Variants in TANC2 observed in about 807,000 individuals in gnomAD.
TANC2 encodes tetratricopeptide repeat, ankyrin repeat and coiled-coil containing 2.
Under a neutral mutation model 210.5 loss-of-function variants are expected in TANC2, and 26 were observed. The observed-to-expected ratio is 0.12, with a 90% CI of 0.09 to 0.17. TANC2 has a LOEUF of 0.17. Ranked by LOEUF, TANC2 falls within the 10% of genes least tolerant of loss-of-function variation. TANC2 has a pLI of 1.00. For missense variants in TANC2, 2,129 were observed against 2,608.9 expected (o/e 0.82, Z 4.01); for synonymous variants, 931 against 967.1 (o/e 0.96, Z 0.69).
intron 3 of TANC2, among the ~76,000 whole-genome samples, chr17:63,079,198 A>C (rs1398675906): frequency 2.0e-5 from 3 of 152,210 alleles, no homozygotes; most frequent in Admixed American, 6.5e-5. Flanking sequence ...CCATTCACGC[A>C]GTCCCATATA....
chr17:63,004,628 A>G (rs1044573671), intron 1 of TANC2: 6 of 210,798 alleles, frequency 2.8e-5, no homozygotes, highest in Non-Finnish European at 5.9e-5. Flanking sequence ...AAAATTCTGC[A>G]TTTATATAAA....
At chr17:63,393,987 G>A (rs2048073307) in intron 17 of TANC2, among the ~76,000 whole-genome samples, 1 of 152,014 alleles carries the variant, frequency 6.6e-6, no homozygotes, top group South Asian at 2.1e-4. Context: ...GGCCAGGCTG[G>A]TCTCGAACTC....
chr17:63,354,677 T>G, intron 13 of TANC2, 106 bp from the exon 14 acceptor site: 6 of 1,418,366 alleles, frequency 4.2e-6, no homozygotes, highest in Non-Finnish European at 5.7e-6. Flanking sequence ...TTTCCCTGTT[T>G]GGCCACTTCG....
chr17:63,290,800 A>T (rs1405124594), intron 9 of TANC2, among the ~76,000 whole-genome samples: 3 of 152,162 alleles, frequency 2.0e-5, no homozygotes, highest in Non-Finnish European at 2.9e-5. Context: ...CCAGAACATA[A>T]ACCAGTGTCT....
At chr17:63,345,598 AAC>A in intron 12 of TANC2, among the ~76,000 whole-genome samples, 1 of 149,038 alleles carries the variant, frequency 6.7e-6, no homozygotes. Flanking sequence ...CAGCCTGGGC[AAC>A]AAGAGCAAAA....
chr17:63,197,033 T>G (rs2145771564), intron 6 of TANC2, among the ~76,000 whole-genome samples: 2 of 152,298 alleles, frequency 1.3e-5, no homozygotes, highest in South Asian at 4.1e-4. Context: ...AAGGATCAAG[T>G]TAAATCATGA....
chr17:63,035,351 C>T (rs1402105944), intron 2 of TANC2, among the ~76,000 whole-genome samples: 1 of 152,184 alleles, frequency 6.6e-6, no homozygotes, highest in Admixed American at 6.5e-5. Context: ...TAACTTTTGT[C>T]TGCACTGGGC....
At chr17:63,352,196 A>T (rs2046632072) in intron 13 of TANC2, among the ~76,000 whole-genome samples, 1 of 152,104 alleles carries the variant, frequency 6.6e-6, no homozygotes, top group African/African-American at 2.4e-5. Context: ...TGAATATTAA[A>T]ATCTCAAACA....
chr17:63,348,581 G>C (rs1474227443), intron 12 of TANC2, among the ~76,000 whole-genome samples: 1 of 152,162 alleles, frequency 6.6e-6, no homozygotes, highest in Non-Finnish European at 1.5e-5. Context: ...ATATATGTAT[G>C]TAAAGATTAG....
exon 22 of TANC2, chr17:63,411,624 C>G (rs895904203): frequency 1.2e-6 from 2 of 1,613,878 alleles, no homozygotes; most frequent in Non-Finnish European, 1.7e-6. Flanking sequence ...TGCCACAGAC[C>G]ATGCTGACAA....
chr17:62,983,963 A>C (rs1163762101), intron 1 of TANC2, among the ~76,000 whole-genome samples: 1 of 151,960 alleles, frequency 6.6e-6, no homozygotes, highest in Admixed American at 6.5e-5. Flanking sequence ...TTTTGGTATT[A>C]GGGTTATGTT....
chr17:63,353,741 G>T (rs972697115), intron 13 of TANC2, among the ~76,000 whole-genome samples: 2 of 152,052 alleles, frequency 1.3e-5, no homozygotes, highest in Non-Finnish European at 2.9e-5. Flanking sequence ...GAAAAGAGGG[G>T]AACGTTCTCT....
intron 21 of TANC2, among the ~76,000 whole-genome samples, chr17:63,407,403 C>T (rs978103859): frequency 2.2e-4 from 33 of 152,174 alleles, no homozygotes; most frequent in African/African-American, 7.2e-4. Context: ...TATTCCAGAA[C>T]AAACCAAGTC....
rs1334183665 is a variant in TANC2 at position 63,098,453 on chromosome 17, CACACACACACACACACACACACACACAT to C, written c.140-717_140-690del. ...GACTACACACACACACACACACACACACACACACACACACACACACACACACATACACTCTCTCTCTCTCTCTCTCTCT... is the reference window on the plus strand; with the variant it reads ...GACTACACACACACACACACACACACACACTCTCTCTCTCTCTCTCTCTCT... On this transcript the variant is annotated intron_variant, in intron 3 of 27. Coordinates refer to ENST00000689528, the Ensembl canonical transcript of TANC2. Among the ~76,000 whole-genome samples the C allele has an allele frequency of 1.6e-4, 11 of 70,730 alleles. 1 individual carries two copies. The highest frequency in any genetic ancestry group is 9.7e-4 in the African/African-American group (7 of 7,222). The allele number at this position is 70,730 out of a possible 152,430, so 46.4% of individuals were successfully genotyped here.
chr17:63,030,918 G>C (rs1465092720), intron 2 of TANC2, among the ~76,000 whole-genome samples: 1 of 152,012 alleles, frequency 6.6e-6, no homozygotes, highest in African/African-American at 2.4e-5. Flanking sequence ...GGAAAGACAA[G>C]ACCACCTTAA....
chr17:63,027,931 A>T (rs1489804577), intron 2 of TANC2, among the ~76,000 whole-genome samples: 1 of 152,100 alleles, frequency 6.6e-6, no homozygotes, highest in African/African-American at 2.4e-5. Flanking sequence ...CCATTTTCAT[A>T]GAATTTTTTT....
intron 1 of TANC2, among the ~76,000 whole-genome samples, chr17:63,007,740 A>C (rs2033684735): frequency 6.6e-6 from 1 of 152,024 alleles, no homozygotes; most frequent in Non-Finnish European, 1.5e-5. Flanking sequence ...TATTGTTGTC[A>C]TGCATTTTAA....
At chr17:63,088,204 T>G (rs577830015) in intron 3 of TANC2, 2 of 152,320 alleles carry the variant, frequency 1.3e-5, no homozygotes, top group Admixed American at 1.3e-4. Context: ...AGAAAATTTT[T>G]GGCTAAAGGC....
intron 14 of TANC2, among the ~76,000 whole-genome samples, chr17:63,355,989 C>T (rs1393866537): frequency 6.6e-6 from 1 of 152,050 alleles, no homozygotes; most frequent in Non-Finnish European, 1.5e-5. Context: ...CCTTAAGATG[C>T]TGGATCAACT....
Sources: allele counts gnomAD v4.1 joint callset (sites outside exome capture counted in the v4.1 genomes callset), GRCh38; gene constraint gnomAD v4.1.1; transcripts MANE v1.5; gene names NCBI Gene and HGNC (gene_info 2026-07-23, HGNC 2026-07-21).